CEP83: variants seen among roughly 807,000 people sequenced by gnomAD.
The protein encoded by CEP83 is centrosomal protein of 83 kDa.
Under a neutral mutation model 101.9 loss-of-function variants are expected in CEP83, and 70 were observed. The observed-to-expected ratio is 0.69, with a 90% CI of 0.57 to 0.84. CEP83 has a LOEUF of 0.84. CEP83 is among the 40% of genes least tolerant of loss of function. The pLI is 0.00. For synonymous variants in CEP83, 264 were observed against 267.9 expected, an observed-to-expected ratio of 0.99 and a Z score of 0.14; for missense variants, 715 against 787.2, an observed-to-expected ratio of 0.91 and a Z score of 1.10.
chr12:94,289,834 ACTCACACATACGCG>A, the CEP83 span, among the ~76,000 whole-genome samples: 16 of 152,202 alleles, frequency 1.1e-4, no homozygotes, highest in Admixed American at 9.2e-4. Context: ...TTAGAAATGC[ACTCACACATACGCG>A]CTCACACACA....
intron 8 of CEP83, among the ~76,000 whole-genome samples, chr12:94,374,266 T>G (rs557544811): frequency 1.3e-5 from 2 of 152,242 alleles, no homozygotes; most frequent in South Asian, 4.1e-4. Flanking sequence ...AGTATTATAC[T>G]TGGTGGCCCC....
chr12:94,371,485 T>C (rs576480730), intron 8 of CEP83, among the ~76,000 whole-genome samples: 7 of 152,312 alleles, frequency 4.6e-5, no homozygotes, highest in African/African-American at 1.4e-4. Context: ...TAAAATTAGA[T>C]ATAGTCATAT....
At chr12:94,278,735 C>T in the CEP83 span, among the ~76,000 whole-genome samples, 2 of 152,116 alleles carry the variant, frequency 1.3e-5, no homozygotes, top group Non-Finnish European at 2.9e-5. Context: ...CAGTGGCTCA[C>T]GCCTGTAATC....
At chr12:94,274,681 G>A in the CEP83 span, among the ~76,000 whole-genome samples, 1 of 152,176 alleles carries the variant, frequency 6.6e-6, no homozygotes, top group Non-Finnish European at 1.5e-5. Context: ...CCATCCCATC[G>A]ATTTGGACCA....
rs1210189613 is a variant in CEP83 at position 94,308,358 on chromosome 12, A to ATTCT, written c.*451_*454dup. 2.6e-5 allele frequency: 4 copies of ATTCT among 152,836 alleles called. No homozygotes were observed. In the East Asian group the frequency reaches 7.7e-4, roughly 29 times the overall value. The allele number at this position is 152,836 out of a possible 1,614,324, so 9.5% of individuals were successfully genotyped here. A position where few individuals can be genotyped will look rare whatever the true frequency, so the allele number is the denominator to read the frequency against. ...GCCTTTTGTATATAGATACCTTTAC[A>ATTCT]TTCTTTAGGCTGACTTTTAAATTGT... On this transcript the variant is annotated 3_prime_UTR_variant, in exon 17 of 17. Transcript: ENST00000397809.
intron 14 of CEP83, among the ~76,000 whole-genome samples, chr12:94,329,153 ACTAT>A (rs1352262598): frequency 2.6e-5 from 4 of 152,242 alleles, no homozygotes; most frequent in African/African-American, 4.8e-5. Flanking sequence ...AAGTAAAATG[ACTAT>A]CTACTATCTT....
intron 2 of CEP83, chr12:94,434,164 T>TA (rs1011028303): frequency 1.1e-4 from 16 of 152,222 alleles, no homozygotes; most frequent in African/African-American, 3.6e-4. Context: ...AACACACTCT[T>TA]AAAGAATTTG....
chr12:94,297,247 C>T, the CEP83 span: 1 of 1,613,720 alleles, frequency 6.2e-7, no homozygotes, highest in Non-Finnish European at 8.5e-7. Context: ...TTGTGCTCAC[C>T]ACTGAACTGC....
chr12:94,379,364 T>C (rs75465474), intron 6 of CEP83, among the ~76,000 whole-genome samples: 1,621 of 152,230 alleles, frequency 0.011, 28 homozygotes, highest in African/African-American at 0.037. Flanking sequence ...CATCATAACA[T>C]TATAGGGGTT....
At chr12:94,333,434 T>C in intron 13 of CEP83, 48 bp downstream of exon 13, 1 of 1,528,612 alleles carries the variant, frequency 6.5e-7, no homozygotes, top group Non-Finnish European at 8.9e-7. Flanking sequence ...AAGTACATGT[T>C]ATATAGAAAA....
chr12:94,447,951 T>C (rs2066929127), intron 1 of CEP83, among the ~76,000 whole-genome samples: 1 of 152,098 alleles, frequency 6.6e-6, no homozygotes, highest in Non-Finnish European at 1.5e-5. Flanking sequence ...AAAATGCAGA[T>C]GTAAATCCAA....
chr12:94,418,545 C>A (rs911635762), intron 2 of CEP83, among the ~76,000 whole-genome samples: 1 of 152,148 alleles, frequency 6.6e-6, no homozygotes, highest in African/African-American at 2.4e-5. Flanking sequence ...ACTGTCAGAA[C>A]TAACAAAAAA....
chr12:94,309,784 A>C, intron 16 of CEP83, 134 bp downstream of exon 16: 1 of 505,316 alleles, frequency 2.0e-6, no homozygotes, highest in African/African-American at 1.9e-5. Flanking sequence ...AGTAGTTTTA[A>C]ATGTTTATGC....
At chr12:94,364,897 G>A (rs1351630536) in intron 11 of CEP83, among the ~76,000 whole-genome samples, 2 of 152,100 alleles carry the variant, frequency 1.3e-5, no homozygotes, top group Non-Finnish European at 2.9e-5. Context: ...AGAACTAAAT[G>A]TAAAAAATGA....
chr12:94,374,708 C>G (rs2061450875), intron 8 of CEP83, among the ~76,000 whole-genome samples: 2 of 152,260 alleles, frequency 1.3e-5, no homozygotes, highest in Middle Eastern at 3.4e-3. Context: ...GTTATTGAGA[C>G]AGTGAGACAC....
At chr12:94,307,654 T>A (rs1969197294), downstream of CEP83, 1 of 151,118 alleles carries the variant, frequency 6.6e-6, no homozygotes, top group Non-Finnish European at 1.5e-5. Context: ...ATCCAAAAAA[T>A]AAACATTTTG....
chr12:94,422,760 C>T (rs964727118), intron 2 of CEP83, among the ~76,000 whole-genome samples: 8 of 152,322 alleles, frequency 5.3e-5, no homozygotes, highest in Admixed American at 3.3e-4. Flanking sequence ...GTGAGATTCA[C>T]CTATGTTTTT....
In CEP83 at chr12:94,308,542, C is replaced by A; in HGVS notation, c.*271G>T. On this transcript the variant is annotated 3_prime_UTR_variant, in exon 17 of 17. Transcript: ENST00000397809. The stretch of plus-strand genomic sequence containing the variant: ...ATTCAACAAAGTAAAAATTTTAAAA[C>A]TTGACTCTAACTAGTTCCTTTTTGT... The A allele has an allele frequency of 8.9e-6, 2 of 225,724 alleles. No individual in the cohort carries two copies. Among genetic ancestry groups the A allele is most frequent in the East Asian group, 1.0e-4 (1 of 9,656 alleles). The allele number at this position is 225,724 out of a possible 1,614,324, so 14.0% of individuals were successfully genotyped here. A position where few individuals can be genotyped will look rare whatever the true frequency, so the allele number is the denominator to read the frequency against.
chr12:94,453,959 T>C (rs754139821), intron 1 of CEP83, among the ~76,000 whole-genome samples: 1 of 152,128 alleles, frequency 6.6e-6, no homozygotes, highest in Non-Finnish European at 1.5e-5. Flanking sequence ...TAGCTGGGCA[T>C]GGTTGCATGT....
Sources: gnomAD v4.1 joint callset for allele counts (sites outside exome capture counted in the v4.1 genomes callset) on GRCh38, gnomAD v4.1.1 for gene constraint, MANE v1.5 for transcripts, NCBI Gene and HGNC (gene_info 2026-07-23, HGNC 2026-07-21) for gene names.